The following DLGAP3 variants were observed in gnomAD, a reference collection of about 807,000 sequenced individuals.
The protein encoded by DLGAP3 is disks large-associated protein 3.
Under a neutral mutation model 81.2 loss-of-function variants are expected in DLGAP3, and 17 were observed. That is an observed-to-expected ratio of 0.21 (90% CI 0.14 to 0.31). The LOEUF is 0.31. DLGAP3 is among the 10% of genes least tolerant of loss of function. DLGAP3 has a pLI of 1.00. For missense variants in DLGAP3, 1,124 were observed against 1,388.0 expected (o/e 0.81, Z 3.02); for synonymous variants, 577 against 587.4 (o/e 0.98, Z 0.26).
chr1:34,928,173 T>G (rs764956414), intron 1 of DLGAP3, among the ~76,000 whole-genome samples: 4 of 152,070 alleles, frequency 2.6e-5, no homozygotes, highest in Non-Finnish European at 4.4e-5. Context: ...TTCAAAGAGC[T>G]TAGTACAGAC....
At chr1:34,905,757 A>C (rs544298984) in intron 2 of DLGAP3, among the ~76,000 whole-genome samples, 10 of 151,982 alleles carry the variant, frequency 6.6e-5, no homozygotes, top group Admixed American at 6.5e-4. Context: ...TACTGCTAGC[A>C]CTTTGGGAGG....
At chr1:34,927,506 A>T (rs1015839021) in intron 1 of DLGAP3, among the ~76,000 whole-genome samples, 1 of 152,162 alleles carries the variant, frequency 6.6e-6, no homozygotes, top group Admixed American at 6.6e-5. Context: ...CACAAAACTC[A>T]GCGGGCCCTG....
At position 34,902,573 on chromosome 1, in the gene DLGAP3, C is replaced by A. The variant is rs1639477345; in HGVS notation, c.1107+1704G>T. Among the ~76,000 whole-genome samples, 1 of 152,052 alleles carries A rather than the reference C, an allele frequency of 6.6e-6. No homozygotes were observed. The highest frequency in any genetic ancestry group is 1.5e-5 in the Non-Finnish European group (1 of 68,008). The stretch of plus-strand genomic sequence containing the variant: ...GGGAGTGCGAGGCTGTCTGGAGGGT[C>A]CCTATAGCCCTTTGGTTCTTCCCCA... On this transcript the variant is annotated intron_variant, in intron 3 of 11. Transcript: ENST00000373347. This position sits in a 1 kb window ranked among gnomAD's most constrained non-coding sequence, Gnocchi z 4.4.
At chr1:34,891,439 A>G (rs1639310727) in intron 5 of DLGAP3, among the ~76,000 whole-genome samples, 1 of 152,198 alleles carries the variant, frequency 6.6e-6, no homozygotes, top group South Asian at 2.1e-4. Context: ...ACTAACCAGG[A>G]ATTTATCAGA....
At chr1:34,901,057 G>A (rs1348506847) in intron 3 of DLGAP3, among the ~76,000 whole-genome samples, 2 of 152,064 alleles carry the variant, frequency 1.3e-5, no homozygotes, top group African/African-American at 4.8e-5. Context: ...AAACAAGTCT[G>A]GGGAAAGGTG....
At chr1:34,916,761 T>C (rs1322361905) in intron 1 of DLGAP3, among the ~76,000 whole-genome samples, 4 of 152,052 alleles carry the variant, frequency 2.6e-5, no homozygotes, top group African/African-American at 4.8e-5. Context: ...AGTGGCACGA[T>C]CTCAGCTCAC....
rs756025161 is a variant in DLGAP3 at position 34,868,106 on chromosome 1, T to C, written c.2486-479A>G. On this transcript the variant is annotated intron_variant, in intron 9 of 11. Transcript: ENST00000373347. This position sits in a 1 kb window ranked among gnomAD's most constrained non-coding sequence, Gnocchi z 7.5. ...CAACTCAGAGATTCTGGGGTAAGAC[T>C]GTGTCTCCCAGTGGATCTGACTTAC... Among the ~76,000 whole-genome samples the C allele has an allele frequency of 1.3e-5, 2 of 152,196 alleles. No homozygotes were observed. Among genetic ancestry groups the C allele is most frequent in the Admixed American group, 6.5e-5 (1 of 15,286 alleles).
intron 5 of DLGAP3, among the ~76,000 whole-genome samples, chr1:34,888,591 A>C (rs1232516317): frequency 6.6e-6 from 1 of 152,238 alleles, no homozygotes; most frequent in Non-Finnish European, 1.5e-5. Context: ...ATTGAAAAGA[A>C]GGATTGTCTG....
intron 1 of DLGAP3, among the ~76,000 whole-genome samples, chr1:34,919,822 G>A (rs1639771318): frequency 6.6e-6 from 1 of 152,074 alleles, no homozygotes; most frequent in South Asian, 2.1e-4. Context: ...GACACTCAGA[G>A]AAATTACTCC....
chr1:34,916,942 C>T (rs971830413), intron 1 of DLGAP3, among the ~76,000 whole-genome samples: 1 of 152,138 alleles, frequency 6.6e-6, no homozygotes, highest in Non-Finnish European at 1.5e-5. Flanking sequence ...TCGTGATCTG[C>T]CCGCCTCAGC....
intron 1 of DLGAP3, among the ~76,000 whole-genome samples, chr1:34,908,100 G>T (rs541160623): frequency 1.3e-5 from 2 of 152,146 alleles, no homozygotes; most frequent in African/African-American, 4.8e-5. Context: ...TGTCTGTTTC[G>T]GTTTCTATCT....
intron 1 of DLGAP3, among the ~76,000 whole-genome samples, chr1:34,923,415 A>C (rs564352888): frequency 1.1e-4 from 16 of 152,158 alleles, no homozygotes; most frequent in Non-Finnish European, 2.2e-4. Context: ...CAAAAGAAGC[A>C]AGTATTTTGA....
chr1:34,909,230 A>G (rs969810614), intron 1 of DLGAP3, among the ~76,000 whole-genome samples: 2 of 152,212 alleles, frequency 1.3e-5, no homozygotes, highest in Admixed American at 1.3e-4. Flanking sequence ...TCAAGATCCT[A>G]TGAAACTTCA....
At position 34,865,990 on chromosome 1, in the gene DLGAP3, C is replaced by T. The variant is rs1557447261; in HGVS notation, c.*93G>A. ...GTCCGGTGCCGGTGGGGCGGGCGCA[C>T]GGGGCGGCCCGCGTTCACAGTGACC... is the stretch of plus-strand genomic sequence containing the variant. On this transcript the variant is annotated 3_prime_UTR_variant, in exon 12 of 12. Coordinates refer to ENST00000373347, the MANE Select transcript of DLGAP3 (RefSeq NM_001080418.3). 2 of 1,145,056 alleles carry T rather than the reference C, an allele frequency of 1.7e-6. No individual in the cohort carries two copies. Among genetic ancestry groups the T allele is most frequent in the Non-Finnish European group, 2.5e-6 (2 of 808,584 alleles). 70.9% of individuals were successfully genotyped at this position (1,145,056 alleles called of 1,614,324 possible). A position where few individuals can be genotyped will look rare whatever the true frequency, so the allele number is the denominator to read the frequency against.
chr1:34,874,485 T>C (rs914661321), intron 8 of DLGAP3, among the ~76,000 whole-genome samples: 2 of 152,260 alleles, frequency 1.3e-5, no homozygotes, highest in Admixed American at 6.5e-5. Context: ...AAAAACTGGC[T>C]TCAGCTGTGA....
Position 34,867,721 on chromosome 1 carries a change from G to A in DLGAP3, c.2486-94C>T. On this transcript the variant is annotated intron_variant, in intron 9 of 11. Transcript: ENST00000373347. This position sits in a 1 kb window ranked among gnomAD's most constrained non-coding sequence, Gnocchi z 4.3. ...CCTGAATGACGCTGACCCCTCGGTT[G>A]CTTGGCACTGTGTATCCATCAGTCT... 1 of 1,021,784 alleles carries A rather than the reference G, an allele frequency of 9.8e-7. No individual in the cohort carries two copies. The highest frequency in any genetic ancestry group is 1.5e-6 in the Non-Finnish European group (1 of 653,232). The allele number at this position is 1,021,784 out of a possible 1,614,324, so 63.3% of individuals were successfully genotyped here.
rs750597322 is a variant in DLGAP3, at chr1:34,868,612, G to C, written c.2478C>G (p.Pro826=). Reference sequence around the variant, plus strand: ...TCCGATGCCGTGACTCACTCTCCTCGGGTAGCTCATAGTCCTCCGCCTCAC... The same window carrying C: ...TCCGATGCCGTGACTCACTCTCCTCCGGTAGCTCATAGTCCTCCGCCTCAC... ...MEREAEDYEL[P]EEILEKIRSA... The change falls in exon 9 of 12, where the codon CCC becomes CCG. Residue 826 remains proline, a synonymous_variant. Coordinates refer to ENST00000373347, the MANE Select transcript of DLGAP3 (RefSeq NM_001080418.3). The surrounding 1 kb of genome is among the most constrained non-coding windows in gnomAD (Gnocchi z 7.5). 1.4e-5 allele frequency: 22 copies of C among 1,612,564 alleles called. No individual in the cohort carries two copies. The highest frequency in any genetic ancestry group is 1.5e-5 in the Non-Finnish European group (18 of 1,179,824).
At position 34,900,318 on chromosome 1, in the gene DLGAP3, A is replaced by G. The variant is rs1256529749; in HGVS notation, c.1108-45T>C. ...TGTCTCTCAGACATGACCCTAGTAA[A>G]TCTAGAGGCCAGGACTCTTTCCCCA... is the stretch of plus-strand genomic sequence containing the variant. On this transcript the variant is annotated intron_variant, in intron 3 of 11. Coordinates refer to ENST00000373347, the MANE Select transcript of DLGAP3 (RefSeq NM_001080418.3). This position sits in a 1 kb window ranked among gnomAD's most constrained non-coding sequence, Gnocchi z 5.6. The G allele has an allele frequency of 6.3e-7, 1 of 1,588,938 alleles. No homozygotes were observed. The highest frequency in any genetic ancestry group is 1.1e-5 in the South Asian group (1 of 90,684).
chr1:34,886,841 T>TA lies in DLGAP3; in HGVS notation c.1387-557_1387-556insT, dbSNP rs1639239565. On this transcript the variant is annotated intron_variant, in intron 5 of 11. Transcript: ENST00000373347. ...TATATATATACACTACATGTATATA[T>TA]GCTATATATATATAAAATACCAACT... Among the ~76,000 whole-genome samples the TA allele has an allele frequency of 4.7e-5, 7 of 150,372 alleles. No homozygotes were observed. In the Admixed American group the frequency reaches 4.7e-4, roughly 10 times the overall value.
Sources: allele counts gnomAD v4.1 joint callset (sites outside exome capture counted in the v4.1 genomes callset), GRCh38; gene constraint gnomAD v4.1.1; non-coding constraint Gnocchi (gnomAD v3.1); transcripts MANE v1.5; gene names NCBI Gene and HGNC (gene_info 2026-07-23, HGNC 2026-07-21).